The following CELF4 variants were observed in gnomAD, a reference collection of about 807,000 sequenced individuals.
The protein encoded by CELF4 is CUGBP Elav-like family member 4.
Under a neutral mutation model 59.9 loss-of-function variants are expected in CELF4, and 18 were observed. That is an observed-to-expected ratio of 0.30 (90% CI 0.21 to 0.45). The LOEUF is 0.45. CELF4 is among the 20% of genes least tolerant of loss of function. CELF4 has a pLI of 1.00. For synonymous variants in CELF4, 261 were observed against 267.1 expected, an observed-to-expected ratio of 0.98 and a Z score of 0.22; for missense variants, 456 against 689.0, an observed-to-expected ratio of 0.66 and a Z score of 3.79.
chr18:37,442,574 G>GCGA (rs1285869021), intron 2 of CELF4, among the ~76,000 whole-genome samples: 9 of 152,308 alleles, frequency 5.9e-5, no homozygotes, highest in African/African-American at 2.2e-4. Context: ...AAGGGGGCTT[G>GCGA]GCCCAAACAG....
At chr18:37,423,405 G>A (rs1281691146) in intron 2 of CELF4, among the ~76,000 whole-genome samples, 2 of 152,172 alleles carry the variant, frequency 1.3e-5, no homozygotes, top group African/African-American at 4.8e-5. Flanking sequence ...GCCAGAGTGG[G>A]ATGGGAAGAC....
Position 37,253,699 on chromosome 18 carries a change from G to A in CELF4, c.*44+68C>T. 2 of 1,261,880 alleles carry A rather than the reference G, an allele frequency of 1.6e-6. No homozygotes were observed. The highest frequency in any genetic ancestry group is 2.1e-6 in the Non-Finnish European group (2 of 940,512). The allele number at this position is 1,261,880 out of a possible 1,614,324, so 78.2% of individuals were successfully genotyped here. The stretch of plus-strand genomic sequence containing the variant: ...GTGAGGGTCCGGCCCACGGAGGCCG[G>A]AGGAGGCGGCGGGTCCGTCTGGTTC... On this transcript the variant is annotated intron_variant, in intron 12 of 12. Transcript: ENST00000420428. The surrounding 1 kb of genome is among the most constrained non-coding windows in gnomAD (Gnocchi z 4.5).
intron 1 of CELF4, among the ~76,000 whole-genome samples, chr18:37,511,950 G>A (rs2099944837): frequency 6.6e-6 from 1 of 151,978 alleles, no homozygotes; most frequent in Non-Finnish European, 1.5e-5. Flanking sequence ...TGGGGGTGGG[G>A]ATAGAGGAGG....
chr18:37,288,247 G>T (rs1174417495), intron 3 of CELF4, among the ~76,000 whole-genome samples: 1 of 152,204 alleles, frequency 6.6e-6, no homozygotes, highest in Non-Finnish European at 1.5e-5. Context: ...ACCTAATGAG[G>T]TCCTCCCTTC....
At chr18:37,372,847 G>A (rs1302165916) in intron 2 of CELF4, among the ~76,000 whole-genome samples, 2 of 151,098 alleles carry the variant, frequency 1.3e-5, no homozygotes, top group Non-Finnish European at 1.5e-5. Flanking sequence ...AAAAAAAAAA[G>A]AGAAGGATGT....
intron 1 of CELF4, among the ~76,000 whole-genome samples, chr18:37,561,887 A>G (rs886428970): frequency 1.3e-5 from 2 of 152,308 alleles, no homozygotes; most frequent in African/African-American, 4.8e-5. Context: ...TGGAAAAACA[A>G]TCTTTCCCAA....
Position 37,266,612 on chromosome 18 carries a change from AG to A in CELF4, c.1100-15del, listed in dbSNP as rs1289844859. On this transcript the variant is annotated splice_polypyrimidine_tract_variant and intron_variant, in intron 8 of 12. Coordinates refer to ENST00000420428, the MANE Select transcript of CELF4 (RefSeq NM_020180.4). Reference sequence around the variant, plus strand: ...TGGGGCTCTGTGCTGTAGGGAGCCAAGGGGACAGAGGTCAGCAGTGCCCACC... The same window carrying A: ...TGGGGCTCTGTGCTGTAGGGAGCCAAGGGACAGAGGTCAGCAGTGCCCACC... The A allele has an allele frequency of 6.3e-7, 1 of 1,575,436 alleles. No homozygotes were observed. The highest frequency in any genetic ancestry group is 8.6e-7 in the Non-Finnish European group (1 of 1,161,620).
Position 37,485,509 on chromosome 18 carries a change from G to C in CELF4, c.369+16C>G. The C allele has an allele frequency of 7.7e-7, 1 of 1,300,236 alleles. No individual in the cohort carries two copies. The highest frequency in any genetic ancestry group is 9.9e-7 in the Non-Finnish European group (1 of 1,012,924). The allele number at this position is 1,300,236 out of a possible 1,614,324, so 80.5% of individuals were successfully genotyped here. ...TCGGCGCGTCGGCCGCTTGCGCCAC[G>C]GCGGGCGCCACTTACCCCGGGCAGA... On this transcript the variant is annotated intron_variant, in intron 2 of 12. Coordinates refer to ENST00000420428, the MANE Select transcript of CELF4 (RefSeq NM_020180.4).
intron 2 of CELF4, among the ~76,000 whole-genome samples, chr18:37,392,800 C>T (rs1603634681): frequency 6.6e-6 from 1 of 152,238 alleles, no homozygotes; most frequent in South Asian, 2.1e-4. Context: ...AGCTCAAAGT[C>T]ACCTCAGTAG....
chr18:37,478,600 G>T (rs2099857259), intron 2 of CELF4, among the ~76,000 whole-genome samples: 1 of 152,180 alleles, frequency 6.6e-6, no homozygotes. Flanking sequence ...GAAGACTGTG[G>T]GCACAGCCCC....
chr18:37,274,798 C>A lies in CELF4; in HGVS notation c.657+7G>T, dbSNP rs752215681. ...CCTCGCCCCCGCCCCAAGGGGCCAGCACTCACCGGCATGGTCTGGCTGCCG... is the reference window on the plus strand; with the variant it reads ...CCTCGCCCCCGCCCCAAGGGGCCAGAACTCACCGGCATGGTCTGGCTGCCG... On this transcript the variant is annotated splice_region_variant and intron_variant, in intron 5 of 12. Transcript: ENST00000420428. 2 of 1,586,182 alleles carry A rather than the reference C, an allele frequency of 1.3e-6. No homozygotes were observed. The highest frequency in any genetic ancestry group is 1.7e-6 in the Non-Finnish European group (2 of 1,168,698).
At chr18:37,521,681 G>A (rs1815823) in intron 1 of CELF4, among the ~76,000 whole-genome samples, 91,830 of 152,056 alleles carry the variant, frequency 0.6, 32,521 homozygotes, top group East Asian at 0.84. Flanking sequence ...CCTGTCTCCC[G>A]CGTGACATTT....
chr18:37,471,450 C>T (rs1187536772), intron 2 of CELF4, among the ~76,000 whole-genome samples: 1 of 152,164 alleles, frequency 6.6e-6, no homozygotes, highest in Non-Finnish European at 1.5e-5. Flanking sequence ...GTCCCGTCCC[C>T]AAGCCCTTCC....
intron 2 of CELF4, among the ~76,000 whole-genome samples, chr18:37,371,646 G>T (rs1295228475): frequency 2.0e-5 from 3 of 152,224 alleles, no homozygotes; most frequent in Non-Finnish European, 4.4e-5. Flanking sequence ...AGGGAGAGAA[G>T]AGGCATGGTC....
At chr18:37,283,414 AG>A (rs1236655099) in intron 3 of CELF4, among the ~76,000 whole-genome samples, 2 of 152,030 alleles carry the variant, frequency 1.3e-5, no homozygotes, top group African/African-American at 4.8e-5. Context: ...ATATCATGTA[AG>A]GGGCTACACA....
intron 1 of CELF4, among the ~76,000 whole-genome samples, chr18:37,532,061 C>T (rs2099970021): frequency 6.6e-6 from 1 of 152,242 alleles, no homozygotes; most frequent in Non-Finnish European, 1.5e-5. Context: ...AGCTCCCCTT[C>T]CACCATGTCC....
intron 2 of CELF4, among the ~76,000 whole-genome samples, chr18:37,339,403 G>T (rs1453726013): frequency 6.6e-6 from 1 of 152,214 alleles, no homozygotes; most frequent in Non-Finnish European, 1.5e-5. Context: ...CAGATGGATA[G>T]GTGGATGCAT....
intron 2 of CELF4, among the ~76,000 whole-genome samples, chr18:37,383,023 CATGTATGTATGT>C (rs72091493): frequency 0.019 from 2,927 of 150,372 alleles, 31 homozygotes; most frequent in African/African-American, 0.024. Flanking sequence ...ATAGTACATA[CATGTATGTATGT>C]ATGTATGTAT....
intron 2 of CELF4, among the ~76,000 whole-genome samples, chr18:37,465,376 A>G (rs2099805145): frequency 6.6e-6 from 1 of 152,182 alleles, no homozygotes; most frequent in Non-Finnish European, 1.5e-5. Flanking sequence ...CACAACACGC[A>G]TTAGCTTAAT....
Sources: gnomAD v4.1 joint callset for allele counts (sites outside exome capture counted in the v4.1 genomes callset) on GRCh38, gnomAD v4.1.1 for gene constraint, Gnocchi (gnomAD v3.1) non-coding constraint, MANE v1.5 for transcripts, NCBI Gene and HGNC (gene_info 2026-07-23, HGNC 2026-07-21) for gene names.